TNS3: variants seen among roughly 807,000 people sequenced by gnomAD.
TNS3 encodes the protein tensin 3.
Under a neutral mutation model 140.9 loss-of-function variants are expected in TNS3, and 45 were observed. The observed-to-expected ratio is 0.32, with a 90% CI of 0.25 to 0.41. The LOEUF (loss-of-function observed/expected upper bound fraction) is 0.41, where lower values mean the gene tolerates loss of function less well. TNS3 is among the 10% of genes least tolerant of loss of function. The pLI is 1.00. For synonymous variants in TNS3, 815 were observed against 788.4 expected (o/e 1.03, Z -0.56); for missense variants, 1,716 against 1,906.7 (o/e 0.90, Z 1.86).
chr7:47,508,359 C>T (rs962743957), intron 2 of TNS3, among the ~76,000 whole-genome samples: 2 of 152,214 alleles, frequency 1.3e-5, no homozygotes, highest in Non-Finnish European at 2.9e-5. Flanking sequence ...TTATCCTACA[C>T]CTTCTGATGG....
chr7:47,580,302 C>T (rs1287119416), intron 1 of TNS3, among the ~76,000 whole-genome samples: 2 of 152,184 alleles, frequency 1.3e-5, no homozygotes, highest in African/African-American at 2.4e-5. Context: ...TCAGTTTACT[C>T]GTCTGTAAAA....
intron 9 of TNS3, among the ~76,000 whole-genome samples, chr7:47,425,931 C>T (rs1584630896): frequency 6.6e-6 from 1 of 151,752 alleles, no homozygotes. Flanking sequence ...TAAGAGGGAA[C>T]ATTGTAGAAA....
At chr7:47,421,830 C>T (rs545062372) in intron 10 of TNS3, among the ~76,000 whole-genome samples, 1 of 152,284 alleles carries the variant, frequency 6.6e-6, no homozygotes, top group South Asian at 2.1e-4. Context: ...CAAAGATTGA[C>T]CTCCCATCAG....
chr7:47,391,800 C>T (rs1397457491), intron 16 of TNS3, among the ~76,000 whole-genome samples: 1 of 152,166 alleles, frequency 6.6e-6, no homozygotes, highest in Non-Finnish European at 1.5e-5. Context: ...TAAGAAATCC[C>T]CCCACCCACA....
intron 16 of TNS3, among the ~76,000 whole-genome samples, chr7:47,374,595 C>G (rs1217584273): frequency 6.6e-6 from 1 of 152,176 alleles, no homozygotes; most frequent in South Asian, 2.1e-4. Context: ...AGACACCTAA[C>G]AGAGGTGTGG....
intron 27 of TNS3, among the ~76,000 whole-genome samples, chr7:47,288,870 C>T (rs565904780): frequency 7.9e-5 from 12 of 152,316 alleles, no homozygotes; most frequent in African/African-American, 2.2e-4. Flanking sequence ...ACCTCAGGTC[C>T]GCATGGCTAA....
chr7:47,406,853 C>G (rs548048897), intron 13 of TNS3, among the ~76,000 whole-genome samples: 8 of 152,280 alleles, frequency 5.3e-5, no homozygotes, highest in Admixed American at 4.6e-4. Flanking sequence ...CAGCAGGGCA[C>G]GTCACGCAGG....
chr7:47,314,612 A>G (rs1210125426), intron 20 of TNS3, among the ~76,000 whole-genome samples: 1 of 152,180 alleles, frequency 6.6e-6, no homozygotes, highest in Non-Finnish European at 1.5e-5. Context: ...CAACTTGTAC[A>G]TTTGATGTTC....
chr7:47,571,473 C>T (rs1800554006), intron 1 of TNS3, among the ~76,000 whole-genome samples: 1 of 151,500 alleles, frequency 6.6e-6, no homozygotes, highest in Non-Finnish European at 1.5e-5. Context: ...TTGCTCAAAG[C>T]CATCTGGCAG....
At chr7:47,349,768 G>A (rs993151197) in intron 17 of TNS3, among the ~76,000 whole-genome samples, 1 of 152,216 alleles carries the variant, frequency 6.6e-6, no homozygotes, top group African/African-American at 2.4e-5. Flanking sequence ...TTAAGATACT[G>A]CAAAACCACT....
intron 17 of TNS3, 95 bp downstream of exon 17, chr7:47,368,270 C>T (rs567904474): frequency 8.7e-6 from 11 of 1,258,348 alleles, no homozygotes; most frequent in South Asian, 7.8e-5. Flanking sequence ...TTGTGGATTT[C>T]GCCAAAAGCT....
chr7:47,336,685 C>T (rs1367955449), intron 20 of TNS3, among the ~76,000 whole-genome samples: 4 of 152,198 alleles, frequency 2.6e-5, no homozygotes, highest in Non-Finnish European at 5.9e-5. Context: ...GTGATTATTA[C>T]ACATTGCATG....
intron 17 of TNS3, among the ~76,000 whole-genome samples, chr7:47,365,173 G>A (rs983008594): frequency 2.0e-5 from 3 of 152,206 alleles, no homozygotes; most frequent in East Asian, 1.9e-4. Flanking sequence ...TGGGCTGGGC[G>A]CGGTGGCTCA....
rs763208423 is a variant in TNS3 at position 47,297,117 on chromosome 7, G to A, written c.3641C>T (p.Thr1214Met). 5.3e-5 allele frequency: 85 copies of A among 1,613,998 alleles called. No homozygotes were observed. Among genetic ancestry groups the A allele is most frequent in the Middle Eastern group, 1.6e-4 (1 of 6,084 alleles). Reference protein sequence around the residue: ...GAYGLAMKVATPPPSVLQLNK... With the variant: ...GAYGLAMKVAMPPPSVLQLNK... The stretch of plus-strand genomic sequence containing the variant: ...CAGCTGCAGGACTGAAGGTGGGGGC[G>A]TGGCCACCTTCATGGCCAGGCCATA... The change falls in exon 24 of 31, where the codon ACG becomes ATG. Residue 1214 changes from threonine to methionine, a missense_variant. By Grantham distance (81) the Thr-to-Met change is moderately conservative. Transcript: ENST00000311160.
At chr7:47,346,143 G>C (rs116836184) in intron 18 of TNS3, 44 bp downstream of exon 18, 1 of 1,603,334 alleles carries the variant, frequency 6.2e-7, no homozygotes, top group East Asian at 2.2e-5. Context: ...ACAAGAAAGG[G>C]AGTGGAATGG....
Position 47,303,052 on chromosome 7 carries a change from TGGA to T in TNS3, c.3352_3354del (p.Ser1119del), listed in dbSNP as rs766364735. On this transcript the variant is annotated inframe_deletion, in exon 22 of 31. Coordinates refer to ENST00000311160, the MANE Select transcript of TNS3 (RefSeq NM_022748.12). ...CCGCTGTGCGGGCTGGAGAAGCCACTGGAGGAGGGAGAGACTGAGCCCAAAGAA... is the reference window on the plus strand; with the variant it reads ...CCGCTGTGCGGGCTGGAGAAGCCACTGGAGGGAGAGACTGAGCCCAAAGAA... 101 of 1,614,160 alleles carry T rather than the reference TGGA, an allele frequency of 6.3e-5. No homozygotes were observed. The Middle Eastern group carries it at 1.8e-3, about 29-fold the overall frequency.
At chr7:47,329,674 G>T (rs1305363686) in intron 20 of TNS3, among the ~76,000 whole-genome samples, 1 of 152,204 alleles carries the variant, frequency 6.6e-6, no homozygotes, top group Non-Finnish European at 1.5e-5. Flanking sequence ...CACGGACAGA[G>T]CAGGCTCAGC....
intron 1 of TNS3, among the ~76,000 whole-genome samples, chr7:47,573,948 AGGCATTATGGGGAG>A (rs1310301517): frequency 6.6e-6 from 1 of 152,210 alleles, no homozygotes; most frequent in African/African-American, 2.4e-5. Flanking sequence ...CAGTTGGGGA[AGGCATTATGGGGAG>A]GGCATTATGG....
intron 16 of TNS3, among the ~76,000 whole-genome samples, chr7:47,389,104 G>GGAA (rs1792327151): frequency 3.3e-5 from 1 of 29,982 alleles, no homozygotes; most frequent in African/African-American, 2.0e-4. Flanking sequence ...AAGAGGAAGC[G>GGAA]GAAGCAGAAG....
Sources: allele counts gnomAD v4.1 joint callset (sites outside exome capture counted in the v4.1 genomes callset), GRCh38; gene constraint gnomAD v4.1.1; transcripts MANE v1.5; gene names NCBI Gene and HGNC (gene_info 2026-07-23, HGNC 2026-07-21).